Variants in FMN2 observed in about 807,000 individuals in gnomAD.
FMN2 encodes the protein formin-2.
Under a neutral mutation model 142.3 loss-of-function variants are expected in FMN2, and 51 were observed. The observed-to-expected ratio is 0.36, with a 90% CI of 0.29 to 0.45. The LOEUF is 0.45. Ranked by LOEUF, FMN2 falls within the 20% of genes least tolerant of loss-of-function variation. The pLI is 1.00. For missense variants in FMN2, 1,936 were observed against 2,122.8 expected, an observed-to-expected ratio of 0.91 and a Z score of 1.73; for synonymous variants, 882 against 869.8, an observed-to-expected ratio of 1.01 and a Z score of -0.25.
intron 3 of FMN2, among the ~76,000 whole-genome samples, chr1:240,182,635 C>T (rs1044622546): frequency 6.6e-6 from 1 of 152,006 alleles, no homozygotes; most frequent in African/African-American, 2.4e-5. Flanking sequence ...GAATATAGAT[C>T]AAACGAAAAG....
chr1:240,204,326 G>A (rs141051715), intron 4 of FMN2, among the ~76,000 whole-genome samples: 1 of 152,310 alleles, frequency 6.6e-6, no homozygotes, highest in African/African-American at 2.4e-5. Context: ...TTAGCAGGGT[G>A]CAGTGGTGTG....
chr1:240,145,984 G>A (rs1663448438), intron 2 of FMN2, among the ~76,000 whole-genome samples: 1 of 152,064 alleles, frequency 6.6e-6, no homozygotes, highest in African/African-American at 2.4e-5. Context: ...TGGTCTTTGA[G>A]GGTGACATCT....
At chr1:240,437,685 A>G (rs995706417) in intron 15 of FMN2, among the ~76,000 whole-genome samples, 2 of 152,178 alleles carry the variant, frequency 1.3e-5, no homozygotes, top group Non-Finnish European at 2.9e-5. Flanking sequence ...ACTACATACT[A>G]GTTTGGGGAC....
chr1:240,330,094 G>A (rs920198237), intron 10 of FMN2, among the ~76,000 whole-genome samples: 4 of 152,172 alleles, frequency 2.6e-5, no homozygotes, highest in African/African-American at 9.7e-5. Context: ...GTTAAACACA[G>A]TGTTTTGAAA....
intron 8 of FMN2, among the ~76,000 whole-genome samples, chr1:240,305,034 C>T (rs1248873281): frequency 6.6e-6 from 1 of 152,092 alleles, no homozygotes; most frequent in Non-Finnish European, 1.5e-5. Context: ...TCCCAGAATC[C>T]TTTCTGGGGT....
At chr1:240,159,990 CACACACACAT>C (rs1664213782) in intron 2 of FMN2, among the ~76,000 whole-genome samples, 3 of 146,464 alleles carry the variant, frequency 2.0e-5, no homozygotes, top group Admixed American at 6.9e-5. Context: ...CACACACACA[CACACACACAT>C]ACACACATAT....
At chr1:240,094,660 A>AT (rs1163261444) in intron 1 of FMN2, among the ~76,000 whole-genome samples, 9 of 152,332 alleles carry the variant, frequency 5.9e-5, no homozygotes, top group African/African-American at 2.2e-4. Flanking sequence ...ATTAAATGAA[A>AT]TAGAGTGTTA....
At chr1:240,340,530 A>C (rs981376989) in intron 13 of FMN2, among the ~76,000 whole-genome samples, 1 of 152,098 alleles carries the variant, frequency 6.6e-6, no homozygotes, top group Non-Finnish European at 1.5e-5. Flanking sequence ...GCAGTGAGTG[A>C]AGATTGTACC....
chr1:240,102,520 A>G (rs1398848778), intron 1 of FMN2, among the ~76,000 whole-genome samples: 2 of 152,140 alleles, frequency 1.3e-5, no homozygotes, highest in African/African-American at 4.8e-5. Flanking sequence ...TGGAGAGGGT[A>G]AGTTATGTGA....
intron 1 of FMN2, among the ~76,000 whole-genome samples, chr1:240,112,003 A>C (rs554381234): frequency 6.6e-6 from 1 of 152,258 alleles, no homozygotes; most frequent in Non-Finnish European, 1.5e-5. Flanking sequence ...TGGTTATACT[A>C]TTCTAGATTT....
chr1:240,115,326 T>C (rs1661979936), intron 1 of FMN2, among the ~76,000 whole-genome samples: 1 of 152,190 alleles, frequency 6.6e-6, no homozygotes, highest in Non-Finnish European at 1.5e-5. Flanking sequence ...CTATTTGTTA[T>C]AGTACCAGGA....
chr1:240,155,908 T>TAA (rs1664005154), intron 2 of FMN2, among the ~76,000 whole-genome samples: 1 of 149,212 alleles, frequency 6.7e-6, no homozygotes, highest in Non-Finnish European at 1.5e-5. Context: ...TTTTTTTTTT[T>TAA]AATAATGACT....
intron 11 of FMN2, among the ~76,000 whole-genome samples, chr1:240,331,315 A>G (rs1671373802): frequency 6.6e-6 from 1 of 152,116 alleles, no homozygotes; most frequent in African/African-American, 2.4e-5. Flanking sequence ...ATTTTTTGGT[A>G]CTACTTCTGC....
Position 240,092,431 on chromosome 1 carries a change from C to G in FMN2, c.322C>G (p.Leu108Val), listed in dbSNP as rs759860017. ...LDSQALQTGE[L>V]DSAHSLLTKT... ...TTCCCAGGCCCTGCAGACCGGGGAGCTGGACAGCGCTCACTCCCTGCTCAC... is the reference window on the plus strand; with the variant it reads ...TTCCCAGGCCCTGCAGACCGGGGAGGTGGACAGCGCTCACTCCCTGCTCAC... The change falls in exon 1 of 18, where the codon CTG (leucine) becomes GTG (valine). Residue 108 changes from leucine (L) to valine (V), a missense_variant. Coordinates refer to ENST00000319653, the MANE Select transcript of FMN2 (RefSeq NM_020066.5). 4.3e-6 allele frequency: 7 copies of G among 1,611,316 alleles called. No individual in the cohort carries two copies. Among genetic ancestry groups the G allele is most frequent in the Non-Finnish European group, 5.1e-6 (6 of 1,179,032 alleles).
intron 15 of FMN2, among the ~76,000 whole-genome samples, chr1:240,417,736 T>C (rs1674623871): frequency 6.6e-6 from 1 of 152,196 alleles, no homozygotes; most frequent in African/African-American, 2.4e-5. Flanking sequence ...AAAATATTAT[T>C]TTTAAAATCC....
chr1:240,245,489 G>C, intron 6 of FMN2: 1 of 470,994 alleles, frequency 2.1e-6, no homozygotes, highest in Non-Finnish European at 4.4e-6. Flanking sequence ...AAAGGTTCCC[G>C]TCCTGATGAC....
At chr1:240,164,532 T>C (rs774062214) in intron 2 of FMN2, among the ~76,000 whole-genome samples, 1 of 152,224 alleles carries the variant, frequency 6.6e-6, no homozygotes, top group African/African-American at 2.4e-5. Flanking sequence ...AGTGCAAGCC[T>C]GCTAGGTGAC....
chr1:240,101,549 G>T (rs934056206), intron 1 of FMN2, among the ~76,000 whole-genome samples: 3 of 151,712 alleles, frequency 2.0e-5, no homozygotes, highest in African/African-American at 7.3e-5. Flanking sequence ...GTGTGTGTGT[G>T]TTTGAGACAG....
intron 7 of FMN2, among the ~76,000 whole-genome samples, chr1:240,276,585 T>C (rs1669221544): frequency 6.6e-6 from 1 of 152,068 alleles, no homozygotes. Context: ...AATGCACAAT[T>C]CATATTGTTA....
Sources: gnomAD v4.1 joint callset for allele counts (sites outside exome capture counted in the v4.1 genomes callset) on GRCh38, gnomAD v4.1.1 for gene constraint, MANE v1.5 for transcripts, NCBI Gene and HGNC (gene_info 2026-07-23, HGNC 2026-07-21) for gene names.